The following SPINK6 variants were observed in gnomAD, a reference collection of about 807,000 sequenced individuals.
The protein encoded by SPINK6 is serine peptidase inhibitor Kazal type 6, also known as serine protease inhibitor Kazal-type 6.
In SPINK6, 13 loss-of-function variants were observed where a neutral mutation model predicts 11.7. The observed-to-expected ratio is 1.11, with a 90% CI of 0.72 to 1.76. SPINK6 has a LOEUF of 1.76. SPINK6 is among the 40% of genes most tolerant of loss of function. The pLI is 0.00. For missense variants in SPINK6, 98 were observed against 93.7 expected, an observed-to-expected ratio of 1.05 and a Z score of -0.19; for synonymous variants, 21 against 31.9, an observed-to-expected ratio of 0.66 and a Z score of 1.15.
chr5:148,204,831 T>C (rs1755477314), intron 1 of SPINK6, among the ~76,000 whole-genome samples: 1 of 152,120 alleles, frequency 6.6e-6, no homozygotes, highest in South Asian at 2.1e-4. Flanking sequence ...GTATGAGACA[T>C]TAGGCAAATC....
intron 3 of SPINK6, 77 bp downstream of exon 3, chr5:148,214,102 A>G (rs1449572112): frequency 2.3e-6 from 2 of 886,966 alleles, no homozygotes; most frequent in East Asian, 2.7e-5. Flanking sequence ...TTTTCGAGGT[A>G]TTATAGAAAA....
chr5:148,211,821 G>A (rs1334068335), intron 2 of SPINK6, among the ~76,000 whole-genome samples: 1 of 152,054 alleles, frequency 6.6e-6, no homozygotes, highest in East Asian at 1.9e-4. Flanking sequence ...TTCTTCCACG[G>A]GGCAGAGGAA....
intron 2 of SPINK6, 70 bp from the exon 3 acceptor site, chr5:148,213,840 A>C: frequency 1.3e-6 from 1 of 795,176 alleles, no homozygotes; most frequent in Non-Finnish European, 2.2e-6. Context: ...TTTGCTGTCT[A>C]AAGCTTCTGT....
At chr5:148,205,922 C>A in intron 1 of SPINK6, 114 bp from the exon 2 acceptor site, 2 of 1,095,756 alleles carry the variant, frequency 1.8e-6, no homozygotes, top group East Asian at 2.5e-5. Context: ...AATACGATGA[C>A]TTTTTAAGAT....
intron 2 of SPINK6, among the ~76,000 whole-genome samples, chr5:148,211,647 C>A (rs549377843): frequency 6.6e-6 from 1 of 152,248 alleles, no homozygotes; most frequent in African/African-American, 2.4e-5. Flanking sequence ...CACAGACAGT[C>A]AATGGCGGAA....
chr5:148,207,578 C>T (rs1191822699), intron 2 of SPINK6, among the ~76,000 whole-genome samples: 1 of 152,128 alleles, frequency 6.6e-6, no homozygotes, highest in Non-Finnish European at 1.5e-5. Context: ...TGCCTGTAAT[C>T]CCAGCACTTG....
rs1491236260 is a variant in SPINK6 at position 148,209,971 on chromosome 5, CGT to C, written c.81+3914_81+3915del. 9.1e-3 allele frequency among the ~76,000 whole-genome samples: 1,325 copies of C among 145,466 alleles called. 28 individuals carry two copies. Among genetic ancestry groups the C allele is most frequent in the African/African-American group, 0.035 (1,268 of 36,290 alleles). ...TTTCATATATATGTATACATACATACGTACGTATGTATGTATACATATACACG... is the reference window on the plus strand; with the variant it reads ...TTTCATATATATGTATACATACATACACGTATGTATGTATACATATACACG... On this transcript the variant is annotated intron_variant, in intron 2 of 3. Coordinates refer to ENST00000325630, the MANE Select transcript of SPINK6 (RefSeq NM_205841.4).
chr5:148,214,990 A>C lies in SPINK6; in HGVS notation c.*40A>C. ...TTCTTGGTGACTTGCCAGCTTTTGC[A>C]GCCTTCTTTTCTCACTTCTGCTTAT... On this transcript the variant is annotated 3_prime_UTR_variant, in exon 4 of 4. Coordinates refer to ENST00000325630, the MANE Select transcript of SPINK6 (RefSeq NM_205841.4). 1 of 1,601,628 alleles carries C rather than the reference A, an allele frequency of 6.2e-7. No individual in the cohort carries two copies. The highest frequency in any genetic ancestry group is 1.1e-5 in the South Asian group (1 of 90,724).
At chr5:148,214,468 T>C (rs1755656211) in intron 3 of SPINK6, among the ~76,000 whole-genome samples, 1 of 152,172 alleles carries the variant, frequency 6.6e-6, no homozygotes, top group Non-Finnish European at 1.5e-5. Context: ...TGGTGTAATA[T>C]GAGATTTGAA....
chr5:148,215,021 T>A lies in SPINK6; in HGVS notation c.*71T>A, dbSNP rs368463410. ...CTTTTCTCACTTCTGCTTATACTTT[T>A]GCTGGTGGATTCCTTTAATTCATAA... On this transcript the variant is annotated 3_prime_UTR_variant, in exon 4 of 4. Transcript: ENST00000325630. 516 of 1,460,716 alleles carry A rather than the reference T, an allele frequency of 3.5e-4. No homozygotes were observed. Among genetic ancestry groups the A allele is most frequent in the South Asian group, 2.9e-3 (252 of 87,072 alleles). The allele number at this position is 1,460,716 out of a possible 1,614,324, so 90.5% of individuals were successfully genotyped here.
At position 148,205,889 on chromosome 5, in the gene SPINK6, A is replaced by AAAC. The variant is rs541657455; in HGVS notation, c.59-147_59-146insAAC. 7.7e-4 allele frequency: 641 copies of AAAC among 830,342 alleles called. 3 individuals carry two copies. In the African/African-American group the frequency reaches 0.01, roughly 13 times the overall value. The allele number at this position is 830,342 out of a possible 1,614,324, so 51.4% of individuals were successfully genotyped here. ...ATTAAAAAAAAAAAGAAGAAGAAGA[A>AAAC]GAAAACAAAAACAAACAAAAAAAAT... On this transcript the variant is annotated intron_variant, in intron 1 of 3. Transcript: ENST00000325630.
chr5:148,214,903 A>C lies in SPINK6; in HGVS notation c.198-2A>C, dbSNP rs1755661474. 1 of 1,613,162 alleles carries C rather than the reference A, an allele frequency of 6.2e-7. No homozygotes were observed. The highest frequency in any genetic ancestry group is 2.2e-5 in the East Asian group (1 of 44,822). ...GTATATATTTGTCTTTCTTTTTTGT[A>C]GGAAAAGTGGTGGAAAGATTAGCCT... On this transcript the variant is annotated splice_acceptor_variant, in intron 3 of 3. Coordinates refer to ENST00000325630, the MANE Select transcript of SPINK6 (RefSeq NM_205841.4). LOFTEE classifies it high-confidence loss of function.
chr5:148,206,104 G>A, intron 2 of SPINK6, 46 bp downstream of exon 2: 2 of 1,611,792 alleles, frequency 1.2e-6, no homozygotes, highest in Non-Finnish European at 1.7e-6. Flanking sequence ...GTGGTGCTTG[G>A]CTTGATCTTC....
At chr5:148,209,979 T>TACATACATACGCAC (rs1554112238) in intron 2 of SPINK6, among the ~76,000 whole-genome samples, 1 of 145,506 alleles carries the variant, frequency 6.9e-6, no homozygotes. Flanking sequence ...TACGTACGTA[T>TACATACATACGCAC]GTATGTATAC....
intron 1 of SPINK6, among the ~76,000 whole-genome samples, chr5:148,204,339 A>G (rs902939081): frequency 2.6e-5 from 4 of 151,984 alleles, no homozygotes; most frequent in African/African-American, 4.8e-5. Context: ...AGAAAAATAT[A>G]TATCTGACTA....
At chr5:148,203,544 G>A (rs1002345456) in intron 1 of SPINK6, among the ~76,000 whole-genome samples, 1 of 152,104 alleles carries the variant, frequency 6.6e-6, no homozygotes, top group Non-Finnish European at 1.5e-5. Flanking sequence ...TTTAATGTTT[G>A]TTCCATAAAA....
At chr5:148,214,823 C>G in intron 3 of SPINK6, 82 bp from the exon 4 acceptor site, 2 of 1,034,964 alleles carry the variant, frequency 1.9e-6, no homozygotes, top group Non-Finnish European at 2.9e-6. Context: ...ATGGACCATG[C>G]CATTGTTAAA....
chr5:148,211,263 C>T (rs1038625634), intron 2 of SPINK6, among the ~76,000 whole-genome samples: 1 of 152,110 alleles, frequency 6.6e-6, no homozygotes, highest in Non-Finnish European at 1.5e-5. Flanking sequence ...TTTCTCTTAT[C>T]CAGCTGAAGT....
At chr5:148,209,633 C>G (rs537929724) in intron 2 of SPINK6, among the ~76,000 whole-genome samples, 3 of 152,196 alleles carry the variant, frequency 2.0e-5, no homozygotes, top group African/African-American at 7.2e-5. Flanking sequence ...GTAGCTATTT[C>G]TCTCACCCAG....
Sources: gnomAD v4.1 joint callset for allele counts (sites outside exome capture counted in the v4.1 genomes callset) on GRCh38, gnomAD v4.1.1 for gene constraint, MANE v1.5 for transcripts, NCBI Gene and HGNC (gene_info 2026-07-23, HGNC 2026-07-21) for gene names.